Variants in DLGAP4 observed in about 807,000 individuals in gnomAD.
The protein encoded by DLGAP4 is disks large-associated protein 4.
Under a neutral mutation model 86.9 loss-of-function variants are expected in DLGAP4, and 18 were observed. That is an observed-to-expected ratio of 0.21 (90% confidence interval 0.14 to 0.31). The LOEUF is 0.31. DLGAP4 is among the 10% of genes least tolerant of loss of function. The probability of loss-of-function intolerance (pLI) is 1.00; values close to 1 mark genes in which losing one functional copy is unlikely to be tolerated. For missense variants in DLGAP4, 1,085 were observed against 1,362.6 expected, an observed-to-expected ratio of 0.80 and a Z score of 3.21; for synonymous variants, 548 against 574.3, an observed-to-expected ratio of 0.95 and a Z score of 0.65.
intron 7 of DLGAP4, among the ~76,000 whole-genome samples, chr20:36,488,945 A>T (rs1449602081): frequency 1.3e-5 from 2 of 152,224 alleles, no homozygotes; most frequent in Non-Finnish European, 2.9e-5. Flanking sequence ...TGACTCATGC[A>T]TGGATGAAGC....
At chr20:36,367,405 T>G (rs1005340320) in intron 2 of DLGAP4, 130 bp downstream of exon 2, 2 of 152,278 alleles carry the variant, frequency 1.3e-5, no homozygotes, top group Non-Finnish European at 2.9e-5. Context: ...AGTTTGTATA[T>G]GTCTGGGCAC....
At chr20:36,339,072 G>T (rs1451173907) in intron 1 of DLGAP4, among the ~76,000 whole-genome samples, 2 of 152,194 alleles carry the variant, frequency 1.3e-5, no homozygotes, top group Non-Finnish European at 2.9e-5. Context: ...GTTTTAGGCA[G>T]AAGGTAATAT....
In DLGAP4 at chr20:36,525,929, A is replaced by G; in HGVS notation, c.2683A>G (p.Ile895Val). The stretch of plus-strand genomic sequence containing the variant: ...CCTGCTACAGCTGTCCATCGAGGAT[A>G]TCAGCATGAAGTTCGATGAACTCTA... The part of the protein sequence containing the change: ...WDLLQLSIED[I>V]SMKFDELYHL... The change falls in exon 12 of 13, where the codon ATC becomes GTC. Residue 895 changes from isoleucine (I) to valine (V), a missense_variant. Transcript: ENST00000339266. The G allele has an allele frequency of 6.2e-7, 1 of 1,613,908 alleles. No individual in the cohort carries two copies. Among genetic ancestry groups the G allele is most frequent in the Non-Finnish European group, 8.5e-7 (1 of 1,179,986 alleles).
intron 2 of DLGAP4, among the ~76,000 whole-genome samples, chr20:36,386,346 A>C (rs2031595512): frequency 6.6e-6 from 1 of 151,734 alleles, no homozygotes; most frequent in South Asian, 2.1e-4. Context: ...CAGAGCAAGC[A>C]TGTTTGCTGA....
At chr20:36,406,408 A>C (rs2032324149) in intron 2 of DLGAP4, among the ~76,000 whole-genome samples, 1 of 151,152 alleles carries the variant, frequency 6.6e-6, no homozygotes, top group African/African-American at 2.4e-5. Flanking sequence ...AAAAAAAAAA[A>C]AAAAAAAAAT....
chr20:36,352,184 GT>G (rs34335260), intron 1 of DLGAP4, among the ~76,000 whole-genome samples: 30,983 of 152,066 alleles, frequency 0.2, 4,247 homozygotes, highest in Non-Finnish European at 0.31. Flanking sequence ...GGAGGCCAGA[GT>G]TGGGGAAGGA....
intron 1 of DLGAP4, among the ~76,000 whole-genome samples, chr20:36,332,179 T>G (rs1282387499): frequency 6.6e-6 from 1 of 151,952 alleles, no homozygotes; most frequent in Non-Finnish European, 1.5e-5. Context: ...CTGGACGGGA[T>G]GGAGAGGATG....
At chr20:36,499,299 G>T in intron 8 of DLGAP4, 7 of 1,613,678 alleles carry the variant, frequency 4.3e-6, no homozygotes, top group Non-Finnish European at 5.1e-6. Context: ...CAAAGCGATC[G>T]ATGTGATGGC....
intron 1 of DLGAP4, among the ~76,000 whole-genome samples, chr20:36,340,852 G>A (rs1246815211): frequency 2.0e-5 from 3 of 152,188 alleles, no homozygotes; most frequent in Admixed American, 2.0e-4. Context: ...GGCATAATTA[G>A]CTGTCACCAG....
At position 36,387,356 on chromosome 20, in the gene DLGAP4, C is replaced by T. The variant is rs563472313; in HGVS notation, c.-73+20081C>T. On this transcript the variant is annotated intron_variant, in intron 2 of 12. Transcript: ENST00000339266. Reference sequence around the variant, plus strand: ...CATATACTTTGCCCAGTTTTTTATGCGTCACATCTTTTTCTTATTAATTTG... The same window carrying T: ...CATATACTTTGCCCAGTTTTTTATGTGTCACATCTTTTTCTTATTAATTTG... Among the ~76,000 whole-genome samples, 8 of 152,240 alleles carry T rather than the reference C, an allele frequency of 5.3e-5. No homozygotes were observed. In the East Asian group the frequency reaches 9.6e-4, roughly 18 times the overall value.
chr20:36,437,803 G>A (rs1268073387), intron 4 of DLGAP4, among the ~76,000 whole-genome samples: 2 of 152,214 alleles, frequency 1.3e-5, no homozygotes, highest in East Asian at 3.9e-4. Flanking sequence ...GCAGCCAGGA[G>A]TCTAGTTGAC....
chr20:36,462,489 C>G, intron 7 of DLGAP4: 1 of 1,590,320 alleles, frequency 6.3e-7, no homozygotes, highest in Non-Finnish European at 8.5e-7. Flanking sequence ...CCCTGTCTCC[C>G]CTTCTCTCTG....
At position 36,449,201 on chromosome 20, in the gene DLGAP4, T is replaced by C. The variant is rs549587470; in HGVS notation, c.1648+2264T>C. Among the ~76,000 whole-genome samples the C allele has an allele frequency of 3.9e-5, 6 of 152,262 alleles. No individual in the cohort carries two copies. The East Asian group carries it at 1.2e-3, about 29-fold the overall frequency. On this transcript the variant is annotated intron_variant, in intron 7 of 12. Coordinates refer to ENST00000339266, the MANE Select transcript of DLGAP4 (RefSeq NM_001365621.2). ...TGGGCAATCTTCATTCACCTCACTG[T>C]TTCTTATTCCCCCTCAGCTTCTCCA...
chr20:36,326,458 C>T (rs2065216633), intron 1 of DLGAP4, among the ~76,000 whole-genome samples: 2 of 152,140 alleles, frequency 1.3e-5, no homozygotes. Context: ...GATATTATAT[C>T]AGTTCATGTA....
At chr20:36,447,050 C>G in intron 7 of DLGAP4, 113 bp downstream of exon 7, 1 of 1,459,274 alleles carries the variant, frequency 6.9e-7, no homozygotes, top group Non-Finnish European at 9.0e-7. Context: ...CAGGCTGGCC[C>G]GCACCAGGGG....
intron 2 of DLGAP4, among the ~76,000 whole-genome samples, chr20:36,412,200 TC>T (rs912605836): frequency 6.6e-6 from 1 of 152,222 alleles, no homozygotes; most frequent in Non-Finnish European, 1.5e-5. Flanking sequence ...AGCATGACCT[TC>T]CAGGATGGTT....
chr20:36,412,979 CTTTT>C (rs71184093), intron 2 of DLGAP4, among the ~76,000 whole-genome samples: 6 of 110,830 alleles, frequency 5.4e-5, no homozygotes, highest in East Asian at 2.8e-4. Flanking sequence ...GAACTCTTTT[CTTTT>C]TTTTTTTTTT....
In DLGAP4 at chr20:36,500,113, T is replaced by G; in HGVS notation, c.2100-86T>G. 1 of 1,411,328 alleles carries G rather than the reference T, an allele frequency of 7.1e-7. No homozygotes were observed. The highest frequency in any genetic ancestry group is 9.6e-7 in the Non-Finnish European group (1 of 1,044,312). The allele number at this position is 1,411,328 out of a possible 1,614,324, so 87.4% of individuals were successfully genotyped here. A position where few individuals can be genotyped will look rare whatever the true frequency, so the allele number is the denominator to read the frequency against. On this transcript the variant is annotated intron_variant, in intron 9 of 12. Transcript: ENST00000339266. The surrounding 1 kb of genome is among the most constrained non-coding windows in gnomAD (Gnocchi z 4.6). ...TGCATCCGTTTCTCTGTCTCCCGTGTGTCCGGGTCAAGGCGGCCTCTGGTC... is the reference window on the plus strand; with the variant it reads ...TGCATCCGTTTCTCTGTCTCCCGTGGGTCCGGGTCAAGGCGGCCTCTGGTC...
At chr20:36,436,921 C>T (rs912134208) in intron 4 of DLGAP4, among the ~76,000 whole-genome samples, 5 of 152,202 alleles carry the variant, frequency 3.3e-5, no homozygotes, top group Non-Finnish European at 5.9e-5. Context: ...ACTTGTGAGC[C>T]CTCCAGGGGA....
Sources: gnomAD v4.1 joint callset for allele counts (sites outside exome capture counted in the v4.1 genomes callset) on GRCh38, gnomAD v4.1.1 for gene constraint, Gnocchi (gnomAD v3.1) non-coding constraint, MANE v1.5 for transcripts, NCBI Gene and HGNC (gene_info 2026-07-23, HGNC 2026-07-21) for gene names.